The following IER5L variants were observed in gnomAD, a reference collection of about 807,000 sequenced individuals.
IER5L encodes the protein immediate early response 5 like.
Under a neutral mutation model 28.3 loss-of-function variants are expected in IER5L, and 6 were observed. That is an observed-to-expected ratio of 0.21 (90% CI 0.12 to 0.42). IER5L has a LOEUF of 0.42. IER5L is among the 10% of genes least tolerant of loss of function. IER5L has a pLI of 1.00. For synonymous variants in IER5L, 351 were observed against 282.5 expected (o/e 1.24, Z -2.43); for missense variants, 607 against 575.2 (o/e 1.06, Z -0.56).
chr9:129,177,736 G>A lies in IER5L; in HGVS notation c.317C>T (p.Ala106Val), dbSNP rs1477396220. The A allele has an allele frequency of 1.4e-6, 2 of 1,445,672 alleles. No homozygotes were observed. Among genetic ancestry groups the A allele is most frequent in the South Asian group, 1.4e-5 (1 of 73,578 alleles). 89.6% of individuals were successfully genotyped at this position (1,445,672 alleles called of 1,614,324 possible). A position where few individuals can be genotyped will look rare whatever the true frequency, so the allele number is the denominator to read the frequency against. ...GGGDAEAREP[A>V]ARHQLHQLHQ... ...GAGCTGGTGCAGCTGGTGCCGGGCG[G>A]CCGGCTCGCGCGCCTCCGCGTCCCC... Residue 106 changes from alanine (A) to valine (V), a missense_variant, in exon 1 of 1, where the codon GCC becomes GTC. Coordinates refer to ENST00000372491, the MANE Select transcript of IER5L (RefSeq NM_203434.3).
chr9:129,177,408 G>A lies in IER5L; in HGVS notation c.645C>T (p.Ala215=), dbSNP rs1307559631. 1.4e-5 allele frequency: 17 copies of A among 1,232,988 alleles called. No homozygotes were observed. Among genetic ancestry groups the A allele is most frequent in the Middle Eastern group, 3.1e-4 (1 of 3,222 alleles). The allele number at this position is 1,232,988 out of a possible 1,614,324, so 76.4% of individuals were successfully genotyped here. Reference sequence around the variant, plus strand: ...GCGGAGAAGCGGCGGCGGCCGGAGGGGCGGCCCCTGGGGGCGCGGAGCAGG... The same window carrying A: ...GCGGAGAAGCGGCGGCGGCCGGAGGAGCGGCCCCTGGGGGCGCGGAGCAGG... ...PAACSAPPGA[A]PPAAAASPPA... is the part of the protein sequence containing the mutation. The change falls in exon 1 of 1, where the codon GCC becomes GCT. Residue 215 remains alanine, a synonymous_variant. Coordinates refer to ENST00000372491, the MANE Select transcript of IER5L (RefSeq NM_203434.3).
rs186993880 is a variant in IER5L, at chr9:129,178,102, C to T, written c.-50G>A. ...CAGCCGCCGCCGCTGCTGCTGTTAA[C>T]GCTTCTGCTGTTTCTGCCTCCAGCC... On this transcript the variant is annotated 5_prime_UTR_variant, in exon 1 of 1. Transcript: ENST00000372491. 2.2e-6 allele frequency: 3 copies of T among 1,359,678 alleles called. No individual in the cohort carries two copies. The highest frequency in any genetic ancestry group is 1.8e-5 in the South Asian group (1 of 56,852). The allele number at this position is 1,359,678 out of a possible 1,614,324, so 84.2% of individuals were successfully genotyped here. A position where few individuals can be genotyped will look rare whatever the true frequency, so the allele number is the denominator to read the frequency against.
In IER5L at chr9:129,177,853, G is replaced by GGCTGCTGCTGTTGCT. The variant is rs1222022559; in HGVS notation, c.185_199dup (p.Gln62_Gln66dup). On this transcript the variant is annotated inframe_insertion, in exon 1 of 1. Coordinates refer to ENST00000372491, the MANE Select transcript of IER5L (RefSeq NM_203434.3). ...TAGGTGCTGGTGCTGGTGGTGGGGC[G>GGCTGCTGCTGTTGCT]GCTGCTGCTGTTGCTGCTGCTGCTG... 2 of 1,540,008 alleles carry GGCTGCTGCTGTTGCT rather than the reference G, an allele frequency of 1.3e-6. No homozygotes were observed. Among genetic ancestry groups the GGCTGCTGCTGTTGCT allele is most frequent in the South Asian group, 2.4e-5 (2 of 83,198 alleles).
In IER5L at chr9:129,178,238, C is replaced by T. The variant is rs985652653; in HGVS notation, c.-186G>A. On this transcript the variant is annotated 5_prime_UTR_variant, in exon 1 of 1. Transcript: ENST00000372491. Reference sequence around the variant, plus strand: ...CGCGCCACCCGCGGGCTCGCGCTCCCCAGACGGCGCCAAAGCAATGAGTCT... The same window carrying T: ...CGCGCCACCCGCGGGCTCGCGCTCCTCAGACGGCGCCAAAGCAATGAGTCT... 6.6e-6 allele frequency: 3 copies of T among 456,566 alleles called. No individual in the cohort carries two copies. Among genetic ancestry groups the T allele is most frequent in the Non-Finnish European group, 1.1e-5 (3 of 270,162 alleles). The allele number at this position is 456,566 out of a possible 1,614,324, so 28.3% of individuals were successfully genotyped here.
rs765030656 is a variant in IER5L, at chr9:129,177,305, A to C, written c.748T>G (p.Cys250Gly). ...YPTPSDFGLHCSSQTTVLDLD... is the reference protein window; with the variant it reads ...YPTPSDFGLHGSSQTTVLDLD... The stretch of plus-strand genomic sequence containing the variant: ...TCCAGCACGGTGGTCTGGCTGCTGC[A>C]GTGCAAGCCGAAGTCCGAAGGGGTA... The change falls in exon 1 of 1, where the codon TGC becomes GGC. Residue 250 changes from cysteine (C) to glycine (G), a missense_variant. Coordinates refer to ENST00000372491, the MANE Select transcript of IER5L (RefSeq NM_203434.3). The C allele has an allele frequency of 2.8e-6, 4 of 1,411,080 alleles. No homozygotes were observed. In the Admixed American group the frequency reaches 1.1e-4, roughly 37 times the overall value. 87.4% of individuals were successfully genotyped at this position (1,411,080 alleles called of 1,614,324 possible).
In IER5L at chr9:129,176,916, C is replaced by T; in HGVS notation, c.1137G>A (p.Pro379=). Residue 379 remains proline (P), a synonymous_variant, in exon 1 of 1, where the codon CCG becomes CCA. Coordinates refer to ENST00000372491, the MANE Select transcript of IER5L (RefSeq NM_203434.3). ...SRQPDSSEQP[P]PLNGQLCAKQ... ...TGGCGCACAGCTGCCCGTTGAGCGG[C>T]GGCGGCTGCTCCGAGGAGTCCGGCT... The T allele has an allele frequency of 1.2e-6, 2 of 1,604,596 alleles. No homozygotes were observed. The highest frequency in any genetic ancestry group is 2.3e-5 in the East Asian group (1 of 44,020).
In IER5L at chr9:129,176,340, A is replaced by C. The variant is rs552055854; in HGVS notation, c.*498T>G. 6.6e-6 allele frequency: 1 copy of C among 152,150 alleles called. No individual in the cohort carries two copies. Among genetic ancestry groups the C allele is most frequent in the Non-Finnish European group, 1.5e-5 (1 of 68,058 alleles). 9.4% of individuals were successfully genotyped at this position (152,150 alleles called of 1,614,324 possible). A position where few individuals can be genotyped will look rare whatever the true frequency, so the allele number is the denominator to read the frequency against. On this transcript the variant is annotated 3_prime_UTR_variant, in exon 1 of 1. Transcript: ENST00000372491. ...TGCCTTTGTTTTTGCTCAGAATTTC[A>C]CAAGACCCATTCCTCACCCCACAGA...
At position 129,176,745 on chromosome 9, in the gene IER5L, G is replaced by T; in HGVS notation, c.*93C>A. On this transcript the variant is annotated 3_prime_UTR_variant, in exon 1 of 1. Coordinates refer to ENST00000372491, the MANE Select transcript of IER5L (RefSeq NM_203434.3). ...CCCCCAGCTCAGCCCCGAGTGGCCC[G>T]GCGCCCGCTCGTTCCCTCCTCTCGC... 1 of 1,378,646 alleles carries T rather than the reference G, an allele frequency of 7.3e-7. No homozygotes were observed. Among genetic ancestry groups the T allele is most frequent in the East Asian group, 3.0e-5 (1 of 32,944 alleles). 85.4% of individuals were successfully genotyped at this position (1,378,646 alleles called of 1,614,324 possible). A position where few individuals can be genotyped will look rare whatever the true frequency, so the allele number is the denominator to read the frequency against.
chr9:129,177,267 G>GT lies in IER5L; in HGVS notation c.785dup (p.His262GlnfsTer181). 6.8e-7 allele frequency: 1 copy of GT among 1,477,814 alleles called. No individual in the cohort carries two copies. Among genetic ancestry groups the GT allele is most frequent in the Non-Finnish European group, 8.9e-7 (1 of 1,126,224 alleles). The allele number at this position is 1,477,814 out of a possible 1,614,324, so 91.5% of individuals were successfully genotyped here. On this transcript the variant is annotated frameshift_variant, in exon 1 of 1. Coordinates refer to ENST00000372491, the MANE Select transcript of IER5L (RefSeq NM_203434.3). LOFTEE classifies it high-confidence loss of function. ...AGCCGTTCTCCACCGTGGTCACCAC[G>GT]TGAGTGTCTAGGTCCAGCACGGTGG...
rs1205674081 is a variant in IER5L, at chr9:129,177,587, G to T, written c.466C>A (p.Leu156Met). Residue 156 changes from leucine to methionine, a missense_variant, in exon 1 of 1, where the codon CTG (leucine) becomes ATG (methionine). Physicochemically the swap from Leu to Met is conservative, Grantham distance 15. Transcript: ENST00000372491. ...PAGGAGALSE[L>M]PGCAALQPPH... ...GGCTGGAGCGCGGCGCACCCGGGCA[G>T]CTCCGAGAGCGCCCCCGCGCCGCCC... The T allele has an allele frequency of 5.0e-6, 5 of 997,168 alleles. No individual in the cohort carries two copies. Among genetic ancestry groups the T allele is most frequent in the Non-Finnish European group, 5.9e-6 (5 of 841,820 alleles). The allele number at this position is 997,168 out of a possible 1,614,324, so 61.8% of individuals were successfully genotyped here.
Position 129,177,917 on chromosome 9 carries a change from G to C in IER5L, c.136C>G (p.Leu46Val). 6.4e-7 allele frequency: 1 copy of C among 1,563,270 alleles called. No individual in the cohort carries two copies. Residue 46 changes from leucine (L) to valine (V), a missense_variant, in exon 1 of 1, where the codon CTC becomes GTC. Transcript: ENST00000372491. The stretch of plus-strand genomic sequence containing the variant: ...TCGGCGTAGCGCTCGCTCAGGTAGA[G>C]CTGGCGCGCGTTGCGGAGCACGTAG... Reference protein sequence around the residue: ...VSYVLRNARQLYLSERYAELY... With the variant: ...VSYVLRNARQVYLSERYAELY...
rs1444839120 is a variant in IER5L, at chr9:129,177,217, G to A, written c.836C>T (p.Ser279Phe). 1 of 1,472,756 alleles carries A rather than the reference G, an allele frequency of 6.8e-7. No homozygotes were observed. Among genetic ancestry groups the A allele is most frequent in the Non-Finnish European group, 8.9e-7 (1 of 1,120,762 alleles). 91.2% of individuals were successfully genotyped at this position (1,472,756 alleles called of 1,614,324 possible). The change falls in exon 1 of 1, where the codon TCC becomes TTC. Residue 279 changes from serine to phenylalanine, a missense_variant. Transcript: ENST00000372491. Reference sequence around the variant, plus strand: ...CTGGCCACAGCAGGGGCAGTGGGCGGAGGCGCAGCAGTCCTGGTGCAAGTA... The same window carrying A: ...CTGGCCACAGCAGGGGCAGTGGGCGAAGGCGCAGCAGTCCTGGTGCAAGTA... The part of the protein sequence containing the change: ...NGYLHQDCCA[S>F]AHCPCCGQGA...
In IER5L at chr9:129,177,595, A is replaced by G; in HGVS notation, c.458T>C (p.Leu153Pro). The G allele has an allele frequency of 1.0e-6, 1 of 1,000,560 alleles. No homozygotes were observed. The highest frequency in any genetic ancestry group is 1.2e-6 in the Non-Finnish European group (1 of 846,214). The allele number at this position is 1,000,560 out of a possible 1,614,324, so 62.0% of individuals were successfully genotyped here. Residue 153 changes from leucine to proline, a missense_variant, in exon 1 of 1, where the codon CTC becomes CCC. Coordinates refer to ENST00000372491, the MANE Select transcript of IER5L (RefSeq NM_203434.3). ...AGAPAGGAGA[L>P]SELPGCAALQ... ...CGCGGCGCACCCGGGCAGCTCCGAG[A>G]GCGCCCCCGCGCCGCCCGCGGGCGC...
chr9:129,177,782 G>C lies in IER5L; in HGVS notation c.271C>G (p.Pro91Ala), dbSNP rs1346127960. 2.0e-6 allele frequency: 3 copies of C among 1,488,126 alleles called. No individual in the cohort carries two copies. Among genetic ancestry groups the C allele is most frequent in the Non-Finnish European group, 2.7e-6 (3 of 1,125,034 alleles). The allele number at this position is 1,488,126 out of a possible 1,614,324, so 92.2% of individuals were successfully genotyped here. The change falls in exon 1 of 1, where the codon CCG (proline) becomes GCG (alanine). Residue 91 changes from proline (P) to alanine (A), a missense_variant. Pro to Ala is a conservative substitution (Grantham distance 27). Transcript: ENST00000372491. ...GMPASAADFGPLQLGGGGDAE... is the reference protein window; with the variant it reads ...GMPASAADFGALQLGGGGDAE... ...TCCCCGCCGCCGCCAAGTTGGAGCG[G>C]GCCGAAGTCGGCCGCGCTGGCCGGC...
rs1421839318 is a variant in IER5L, at chr9:129,177,596, G to A, written c.457C>T (p.Leu153Phe). The stretch of plus-strand genomic sequence containing the variant: ...GCGGCGCACCCGGGCAGCTCCGAGA[G>A]CGCCCCCGCGCCGCCCGCGGGCGCT... ...AGAPAGGAGA[L>F]SELPGCAALQ... Residue 153 changes from leucine to phenylalanine, a missense_variant, in exon 1 of 1, where the codon CTC (leucine) becomes TTC (phenylalanine). Coordinates refer to ENST00000372491, the MANE Select transcript of IER5L (RefSeq NM_203434.3). 11 of 1,005,902 alleles carry A rather than the reference G, an allele frequency of 1.1e-5. No individual in the cohort carries two copies. Among genetic ancestry groups the A allele is most frequent in the Non-Finnish European group, 1.3e-5 (11 of 848,568 alleles). The allele number at this position is 1,005,902 out of a possible 1,614,324, so 62.3% of individuals were successfully genotyped here. A position where few individuals can be genotyped will look rare whatever the true frequency, so the allele number is the denominator to read the frequency against.
rs746814658 is a variant in IER5L, at chr9:129,178,067, G to C, written c.-15C>G. 139 of 1,400,696 alleles carry C rather than the reference G, an allele frequency of 9.9e-5. No homozygotes were observed. The highest frequency in any genetic ancestry group is 2.6e-4 in the Middle Eastern group (1 of 3,790). 86.8% of individuals were successfully genotyped at this position (1,400,696 alleles called of 1,614,324 possible). On this transcript the variant is annotated 5_prime_UTR_variant, in exon 1 of 1. Coordinates refer to ENST00000372491, the MANE Select transcript of IER5L (RefSeq NM_203434.3). ...GCGCACTCCATGCTCCCGCGGAGAC[G>C]GCGGCGGAGCAGCCGCCGCCGCTGC...
chr9:129,177,651 G>C lies in IER5L; in HGVS notation c.402C>G (p.Pro134=), dbSNP rs1177825504. The C allele has an allele frequency of 1.6e-6, 2 of 1,287,752 alleles. No homozygotes were observed. Among genetic ancestry groups the C allele is most frequent in the Non-Finnish European group, 2.0e-6 (2 of 1,020,092 alleles). The allele number at this position is 1,287,752 out of a possible 1,614,324, so 79.8% of individuals were successfully genotyped here. A position where few individuals can be genotyped will look rare whatever the true frequency, so the allele number is the denominator to read the frequency against. Residue 134 remains proline (P), a synonymous_variant, in exon 1 of 1, where the codon CCC becomes CCG. Coordinates refer to ENST00000372491, the MANE Select transcript of IER5L (RefSeq NM_203434.3). ...QQLHQHQHPA[P]RGCAAAAAAG... ...CCGCCGCCGCCGCCGCGCAGCCCCT[G>C]GGCGCCGGGTGCTGGTGCTGGTGCA...
At position 129,178,155 on chromosome 9, in the gene IER5L, A is replaced by G. The variant is rs1041725892; in HGVS notation, c.-103T>C. ...CCGCCGGGGCGCGCCGGGCAGGGGT[A>G]ACGGAGTCCGGGTCAGAGGTTCGGC... On this transcript the variant is annotated 5_prime_UTR_variant, in exon 1 of 1. Transcript: ENST00000372491. The G allele has an allele frequency of 3.6e-5, 37 of 1,032,494 alleles. No individual in the cohort carries two copies. The highest frequency in any genetic ancestry group is 3.6e-5 in the Non-Finnish European group (28 of 778,282). 64.0% of individuals were successfully genotyped at this position (1,032,494 alleles called of 1,614,324 possible).
Position 129,177,562 on chromosome 9 carries a change from G to C in IER5L, c.491C>G (p.Pro164Arg), listed in dbSNP as rs887254665. The change falls in exon 1 of 1, where the codon CCG becomes CGG. Residue 164 changes from proline to arginine, a missense_variant. Physicochemically the swap from Pro to Arg is moderately radical, Grantham distance 103. Transcript: ENST00000372491. ...CCCGCGGTGGGGCGCGCCGTGCGGC[G>C]GCTGGAGCGCGGCGCACCCGGGCAG... ...SELPGCAALQ[P>R]PHGAPHRGQP... The C allele has an allele frequency of 5.3e-5, 52 of 981,728 alleles. No homozygotes were observed. The highest frequency in any genetic ancestry group is 6.3e-5 in the Non-Finnish European group (52 of 828,862). The allele number at this position is 981,728 out of a possible 1,614,324, so 60.8% of individuals were successfully genotyped here. A position where few individuals can be genotyped will look rare whatever the true frequency, so the allele number is the denominator to read the frequency against.
Sources: gnomAD v4.1 joint callset for allele counts on GRCh38, gnomAD v4.1.1 for gene constraint, MANE v1.5 for transcripts, NCBI Gene and HGNC (gene_info 2026-07-23, HGNC 2026-07-21) for gene names.